The following ORC2 variants were observed in gnomAD, a reference collection of about 807,000 sequenced individuals.
ORC2 encodes the protein origin recognition complex protein 2 homolog.
ORC2 carries 37 observed loss-of-function variants against 77.7 expected under a neutral mutation model. The observed-to-expected ratio is 0.48, with a 90% CI of 0.37 to 0.63. The LOEUF (loss-of-function observed/expected upper bound fraction) is 0.63, where lower values mean the gene tolerates loss of function less well. ORC2 is among the 20% of genes least tolerant of loss of function. ORC2 has a pLI of 0.00. For missense variants in ORC2, 557 were observed against 661.9 expected (o/e 0.84, Z 1.74); for synonymous variants, 201 against 229.5 (o/e 0.88, Z 1.12).
intron 11 of ORC2, among the ~76,000 whole-genome samples, chr2:200,927,143 T>C (rs1050376473): frequency 6.6e-6 from 1 of 151,816 alleles, no homozygotes; most frequent in Non-Finnish European, 1.5e-5. Context: ...TGGAGTCCAG[T>C]GGCACTCTTG....
At chr2:200,940,908 TC>T (rs1453375530) in intron 7 of ORC2, among the ~76,000 whole-genome samples, 1 of 151,808 alleles carries the variant, frequency 6.6e-6, no homozygotes, top group Non-Finnish European at 1.5e-5. Context: ...ACTGCCCTCT[TC>T]CCCCTGCAAA....
Position 200,957,871 on chromosome 2 carries a change from A to G in ORC2, c.94+159T>C, listed in dbSNP as rs551812584. 4.0e-4 allele frequency among the ~76,000 whole-genome samples: 61 copies of G among 152,326 alleles called. No individual in the cohort carries two copies. The South Asian group carries it at 7.2e-3, about 18-fold the overall frequency. On this transcript the variant is annotated intron_variant, in intron 3 of 17. Coordinates refer to ENST00000234296, the MANE Select transcript of ORC2 (RefSeq NM_006190.5). ...TGAACATTTTCAATTAAAGTTTGAA[A>G]GAATTAAACTAAAAATTAAAGCAGT...
In ORC2 at chr2:200,909,910, G is replaced by C. The variant is rs2040522070; in HGVS notation, c.*1391C>G. On this transcript the variant is annotated 3_prime_UTR_variant, in exon 18 of 18. Coordinates refer to ENST00000234296, the MANE Select transcript of ORC2 (RefSeq NM_006190.5). ...CACAGCAGCTAGGACTATAGGCATG[G>C]GCCACCATGCCCGGATGATTTTTTA... The C allele has an allele frequency of 6.6e-6, 1 of 151,844 alleles. No individual in the cohort carries two copies. Among genetic ancestry groups the C allele is most frequent in the Non-Finnish European group, 1.5e-5 (1 of 67,996 alleles). The allele number at this position is 151,844 out of a possible 1,614,324, so 9.4% of individuals were successfully genotyped here.
At chr2:200,950,894 C>T (rs564130408) in intron 4 of ORC2, among the ~76,000 whole-genome samples, 6 of 152,136 alleles carry the variant, frequency 3.9e-5, no homozygotes, top group Non-Finnish European at 7.3e-5. Flanking sequence ...TGAAGAGAGG[C>T]GTCTTAAATT....
chr2:200,933,226 A>AT (rs1196387811), intron 10 of ORC2, among the ~76,000 whole-genome samples: 2,323 of 132,076 alleles, frequency 0.018, 19 homozygotes, highest in African/African-American at 0.031. Flanking sequence ...ACTGTATGGT[A>AT]TTTTTTTTTT....
In ORC2 at chr2:200,927,016, C is replaced by A. The variant is rs1411164029; in HGVS notation, c.918-116G>T. The A allele has an allele frequency of 2.3e-5, 25 of 1,098,316 alleles. No homozygotes were observed. The East Asian group carries it at 6.1e-4, about 27-fold the overall frequency. The allele number at this position is 1,098,316 out of a possible 1,614,324, so 68.0% of individuals were successfully genotyped here. A position where few individuals can be genotyped will look rare whatever the true frequency, so the allele number is the denominator to read the frequency against. On this transcript the variant is annotated intron_variant, in intron 11 of 17. Coordinates refer to ENST00000234296, the MANE Select transcript of ORC2 (RefSeq NM_006190.5). ...AAAAAATACAGGAAAGGGGTAGGCG[C>A]ACTGGCTCAAGCCTGTAATCCCCGA...
In ORC2 at chr2:200,910,479, A is replaced by G. The variant is rs1245089991; in HGVS notation, c.*822T>C. On this transcript the variant is annotated 3_prime_UTR_variant, in exon 18 of 18. Coordinates refer to ENST00000234296, the MANE Select transcript of ORC2 (RefSeq NM_006190.5). The stretch of plus-strand genomic sequence containing the variant: ...TTCAAGAAAAGAAAAATATGTCAAT[A>G]TACAAGAATAATGAAATGTTTTATT... The G allele has an allele frequency of 6.6e-6, 1 of 152,232 alleles. No homozygotes were observed. Among genetic ancestry groups the G allele is most frequent in the Admixed American group, 6.5e-5 (1 of 15,284 alleles). 9.4% of individuals were successfully genotyped at this position (152,232 alleles called of 1,614,324 possible).
At chr2:200,952,136 A>G (rs1440903536) in intron 4 of ORC2, among the ~76,000 whole-genome samples, 1 of 152,132 alleles carries the variant, frequency 6.6e-6, no homozygotes, top group Non-Finnish European at 1.5e-5. Context: ...CTACTTCTAC[A>G]GTATATCTAG....
chr2:200,926,935 TCAATACCTCTTATTGC>T, intron 11 of ORC2, 35 bp from the exon 12 acceptor site: 2 of 1,593,482 alleles, frequency 1.3e-6, no homozygotes, highest in Non-Finnish European at 1.7e-6. Context: ...AAATTAAACT[TCAATACCTCTTATTGC>T]CAATTTTATT....
chr2:200,940,015 C>T (rs976773773), intron 7 of ORC2, among the ~76,000 whole-genome samples: 1 of 152,132 alleles, frequency 6.6e-6, no homozygotes, highest in African/African-American at 2.4e-5. Flanking sequence ...ATAACCATGG[C>T]CTTAAATGTC....
chr2:200,952,938 T>G (rs1489873007), intron 4 of ORC2, among the ~76,000 whole-genome samples: 1 of 151,300 alleles, frequency 6.6e-6, no homozygotes, highest in Non-Finnish European at 1.5e-5. Flanking sequence ...ATGGTGAGAC[T>G]CCACCTCTAC....
chr2:200,941,311 T>C, intron 6 of ORC2, 32 bp from the exon 7 acceptor site: 1 of 1,592,580 alleles, frequency 6.3e-7, no homozygotes, highest in Non-Finnish European at 8.6e-7. Context: ...CATGACTTAC[T>C]ACGGACACTT....
intron 15 of ORC2, among the ~76,000 whole-genome samples, chr2:200,916,851 C>T (rs916573789): frequency 3.3e-5 from 5 of 151,832 alleles, no homozygotes; most frequent in African/African-American, 4.8e-5. Flanking sequence ...CTCAGGTGCC[C>T]GCCACCACGC....
At chr2:200,947,413 C>T (rs1488127881) in intron 5 of ORC2, among the ~76,000 whole-genome samples, 3 of 152,130 alleles carry the variant, frequency 2.0e-5, no homozygotes, top group Non-Finnish European at 4.4e-5. Context: ...TCAGTGTCAA[C>T]ATTTAACATA....
chr2:200,921,296 A>C (rs1469839868), intron 13 of ORC2, 157 bp from the exon 14 acceptor site: 3 of 413,980 alleles, frequency 7.2e-6, no homozygotes, highest in African/African-American at 6.1e-5. Context: ...ATTACCTGGA[A>C]CTAGGCGCAC....
chr2:200,942,604 C>T, intron 6 of ORC2, 81 bp downstream of exon 6: 1 of 660,928 alleles, frequency 1.5e-6, no homozygotes, highest in Non-Finnish European at 2.4e-6. Context: ...TATAAAAATT[C>T]ACAAACAAGG....
chr2:200,944,619 C>T (rs192499321), intron 5 of ORC2, among the ~76,000 whole-genome samples: 3 of 152,212 alleles, frequency 2.0e-5, no homozygotes, highest in Admixed American at 2.0e-4. Context: ...TGGCTCACTG[C>T]AGCCTTGACC....
In ORC2 at chr2:200,954,157, C is replaced by T. The variant is rs749178140; in HGVS notation, c.238+3244G>A. On this transcript the variant is annotated intron_variant, in intron 4 of 17. Coordinates refer to ENST00000234296, the MANE Select transcript of ORC2 (RefSeq NM_006190.5). ...AAGCGATTTTCCTGCCTCAGCCTCC[C>T]GAGTAGCTGAGATTACAGGCACCCA... Among the ~76,000 whole-genome samples the T allele has an allele frequency of 1.5e-4, 23 of 151,224 alleles. No homozygotes were observed. The Middle Eastern group carries it at 0.021, about 135-fold the overall frequency.
At position 200,935,952 on chromosome 2, in the gene ORC2, G is replaced by C. The variant is rs2041038737; in HGVS notation, c.515-60C>G. 8.9e-6 allele frequency: 13 copies of C among 1,467,744 alleles called. No individual in the cohort carries two copies. The Admixed American group carries it at 2.4e-4, about 27-fold the overall frequency. The allele number at this position is 1,467,744 out of a possible 1,614,324, so 90.9% of individuals were successfully genotyped here. On this transcript the variant is annotated intron_variant, in intron 8 of 17. Coordinates refer to ENST00000234296, the MANE Select transcript of ORC2 (RefSeq NM_006190.5). ...ATGGTTTGACAAGAGAGGCATTGTG[G>C]GGTAAAGCAAAGAGTGGGGGCTCTG...
Sources: allele counts gnomAD v4.1 joint callset (sites outside exome capture counted in the v4.1 genomes callset), GRCh38; gene constraint gnomAD v4.1.1; transcripts MANE v1.5; gene names NCBI Gene and HGNC (gene_info 2026-07-23, HGNC 2026-07-21).